TP63: variants seen among roughly 807,000 people sequenced by gnomAD.
The protein encoded by TP63 is tumor protein 63.
In TP63, 17 loss-of-function variants were observed where a neutral mutation model predicts 82.8. The observed-to-expected ratio is 0.21, with a 90% confidence interval of 0.14 to 0.31. The LOEUF (loss-of-function observed/expected upper bound fraction) is 0.31, where lower values mean the gene tolerates loss of function less well. TP63 is among the 10% of genes least tolerant of loss of function. The probability of loss-of-function intolerance (pLI) is 1.00; values close to 1 mark genes in which losing one functional copy is unlikely to be tolerated. For missense variants in TP63, 648 were observed against 895.3 expected (o/e 0.72, Z 3.52); for synonymous variants, 330 against 321.7 (o/e 1.03, Z -0.28).
chr3:189,864,016 CT>C (rs1352517727), intron 4 of TP63, among the ~76,000 whole-genome samples: 2 of 152,182 alleles, frequency 1.3e-5, no homozygotes, highest in African/African-American at 2.4e-5. Flanking sequence ...AACATAAAAC[CT>C]TTTGTAAACA....
At chr3:189,619,394 C>T in the TP63 span, among the ~76,000 whole-genome samples, 4 of 152,174 alleles carry the variant, frequency 2.6e-5, no homozygotes, top group African/African-American at 9.7e-5. Flanking sequence ...CAGGGGTATC[C>T]ACTTAATGCC....
chr3:189,731,215 A>G (rs1720148786), intron 1 of TP63, among the ~76,000 whole-genome samples: 1 of 152,150 alleles, frequency 6.6e-6, no homozygotes, highest in African/African-American at 2.4e-5. Context: ...ACAGTGGTGC[A>G]TGCCTGTAAT....
intron 3 of TP63, among the ~76,000 whole-genome samples, chr3:189,788,969 A>C (rs1156260520): frequency 6.6e-6 from 1 of 151,592 alleles, no homozygotes; most frequent in African/African-American, 2.4e-5. Context: ...GAAAGGACAC[A>C]TTTATCAGGA....
intron 3 of TP63, among the ~76,000 whole-genome samples, chr3:189,758,899 T>G (rs1722373028): frequency 6.6e-6 from 1 of 152,118 alleles, no homozygotes; most frequent in African/African-American, 2.4e-5. Context: ...GACAGACTTC[T>G]TATGAAAGCC....
At position 189,718,596 on chromosome 3, in the gene TP63, G is replaced by C. The variant is rs148856373; in HGVS notation, c.63-19144G>C. On this transcript the variant is annotated intron_variant, in intron 1 of 13. Transcript: ENST00000264731. The stretch of plus-strand genomic sequence containing the variant: ...AGGACAAGATTTGGGTGGGGAGAGA[G>C]AGCCAAACCATATCACCTGAAAATA... Among the ~76,000 whole-genome samples, 152 of 151,244 alleles carry C rather than the reference G, an allele frequency of 1.0e-3. 1 individual carries two copies. Among genetic ancestry groups the C allele is most frequent in the African/African-American group, 3.6e-3 (149 of 41,168 alleles).
chr3:189,607,189 A>T, the TP63 span, among the ~76,000 whole-genome samples: 1 of 152,210 alleles, frequency 6.6e-6, no homozygotes, highest in Non-Finnish European at 1.5e-5. Context: ...GCCAACTGAG[A>T]AGGCGTGAAG....
chr3:189,645,234 A>C (rs913275528), intron 1 of TP63: 1 of 272,708 alleles, frequency 3.7e-6, no homozygotes, highest in Admixed American at 4.8e-5. Flanking sequence ...TTTTCAGACC[A>C]GAGTCAAAAT....
At chr3:189,676,038 T>C (rs1331169618) in intron 1 of TP63, among the ~76,000 whole-genome samples, 1 of 152,134 alleles carries the variant, frequency 6.6e-6, no homozygotes, top group Non-Finnish European at 1.5e-5. Context: ...AATTGAAATA[T>C]AAAAATTATA....
At chr3:189,660,515 C>A (rs578195239) in intron 1 of TP63, among the ~76,000 whole-genome samples, 7 of 152,048 alleles carry the variant, frequency 4.6e-5, no homozygotes, top group Middle Eastern at 3.4e-3. Flanking sequence ...CAGCTTTGTT[C>A]TTTTGCTTAG....
At chr3:189,736,037 C>G (rs1720566779) in intron 1 of TP63, among the ~76,000 whole-genome samples, 1 of 151,188 alleles carries the variant, frequency 6.6e-6, no homozygotes, top group Admixed American at 6.6e-5. Context: ...GCATGTAAAT[C>G]TACAATTTCC....
At chr3:189,720,383 A>G (rs978446320) in intron 1 of TP63, among the ~76,000 whole-genome samples, 1 of 152,168 alleles carries the variant, frequency 6.6e-6, no homozygotes, top group Non-Finnish European at 1.5e-5. Flanking sequence ...AACTTCTCAT[A>G]CATTGTACAT....
intron 4 of TP63, among the ~76,000 whole-genome samples, chr3:189,843,831 G>A (rs1714492551): frequency 6.6e-6 from 1 of 152,280 alleles, no homozygotes; most frequent in African/African-American, 2.4e-5. Context: ...AGGACTAGAA[G>A]CCAAACTCAA....
At chr3:189,768,290 C>T (rs927898551) in intron 3 of TP63, among the ~76,000 whole-genome samples, 4 of 152,028 alleles carry the variant, frequency 2.6e-5, no homozygotes, top group Non-Finnish European at 5.9e-5. Context: ...TTTTTTAGGT[C>T]AGTCATTGAA....
At chr3:189,625,083 A>G in the TP63 span, among the ~76,000 whole-genome samples, 1 of 152,208 alleles carries the variant, frequency 6.6e-6, no homozygotes, top group Admixed American at 6.5e-5. Context: ...ATGGATAATA[A>G]TATTAAAATA....
At chr3:189,794,447 G>A (rs1224557062) in intron 3 of TP63, among the ~76,000 whole-genome samples, 27 of 151,952 alleles carry the variant, frequency 1.8e-4, no homozygotes, top group Non-Finnish European at 3.7e-4. Flanking sequence ...AGATGAAGCT[G>A]CACTTGGAAG....
At chr3:189,693,706 G>T (rs886224732) in intron 1 of TP63, among the ~76,000 whole-genome samples, 1 of 152,162 alleles carries the variant, frequency 6.6e-6, no homozygotes, top group Admixed American at 6.6e-5. Context: ...ATGGAAAGCA[G>T]TAGAGGTAGA....
intron 1 of TP63, among the ~76,000 whole-genome samples, chr3:189,682,543 AAAAAAAAAAAATATATATATATAT>A (rs1716019044): frequency 4.2e-5 from 1 of 23,988 alleles, no homozygotes; most frequent in African/African-American, 1.5e-4. Context: ...GGGGAAAAAA[AAAAAAAAAAAATATATATATATAT>A]ATATATATAT....
rs757589380 is a variant in TP63 at position 189,631,614 on chromosome 3, A to T, written c.62+37A>T. ...TGTGACATAACTTCTCTCAAAACTTAATTGAAGTGCCTTGTGTATTATGAA... is the reference window on the plus strand; with the variant it reads ...TGTGACATAACTTCTCTCAAAACTTTATTGAAGTGCCTTGTGTATTATGAA... On this transcript the variant is annotated intron_variant, in intron 1 of 13. Coordinates refer to ENST00000264731, the MANE Select transcript of TP63 (RefSeq NM_003722.5). 3.1e-6 allele frequency: 5 copies of T among 1,612,184 alleles called. No homozygotes were observed. In the South Asian group the frequency reaches 5.5e-5, roughly 18 times the overall value.
chr3:189,831,818 C>CTTTTTTTT (rs1156431272), intron 4 of TP63, among the ~76,000 whole-genome samples: 2 of 73,170 alleles, frequency 2.7e-5, no homozygotes, highest in African/African-American at 6.4e-5. Context: ...CTATTATGCT[C>CTTTTTTTT]TTTTTTTTTT....
Sources: gnomAD v4.1 joint callset for allele counts (sites outside exome capture counted in the v4.1 genomes callset) on GRCh38, gnomAD v4.1.1 for gene constraint, MANE v1.5 for transcripts, NCBI Gene and HGNC (gene_info 2026-07-23, HGNC 2026-07-21) for gene names.